Variants in PTPN13 observed in about 807,000 individuals in gnomAD.
PTPN13 encodes the protein tyrosine-protein phosphatase non-receptor type 13.
In PTPN13, 191 loss-of-function variants were observed where a neutral mutation model predicts 284.0. The observed-to-expected ratio is 0.67, with a 90% CI of 0.60 to 0.76. The LOEUF is 0.76. PTPN13 is among the 30% of genes least tolerant of loss of function. PTPN13 has a pLI of 0.00. For synonymous variants in PTPN13, 986 were observed against 1,022.3 expected, an observed-to-expected ratio of 0.96 and a Z score of 0.68; for missense variants, 2,797 against 2,939.9, an observed-to-expected ratio of 0.95 and a Z score of 1.12.
intron 3 of PTPN13, among the ~76,000 whole-genome samples, chr4:86,683,010 A>G (rs902852857): frequency 7.2e-5 from 11 of 152,198 alleles, no homozygotes; most frequent in African/African-American, 2.2e-4. Context: ...AATATTACTA[A>G]AAGTGTGGAA....
intron 2 of PTPN13, among the ~76,000 whole-genome samples, chr4:86,654,070 GA>G (rs1725444589): frequency 6.6e-6 from 1 of 152,106 alleles, no homozygotes; most frequent in South Asian, 2.1e-4. Flanking sequence ...GAGAAAGCAG[GA>G]AAGATCTAAA....
chr4:86,618,319 G>C (rs1720816065), intron 1 of PTPN13, among the ~76,000 whole-genome samples: 1 of 152,116 alleles, frequency 6.6e-6, no homozygotes, highest in Admixed American at 6.5e-5. Flanking sequence ...ATGCTGTTTT[G>C]GTTACTGTAG....
chr4:86,724,378 A>G (rs560171922), intron 10 of PTPN13, among the ~76,000 whole-genome samples: 1 of 152,260 alleles, frequency 6.6e-6, no homozygotes, highest in African/African-American at 2.4e-5. Flanking sequence ...CTTTTTCCTA[A>G]ACCACAGTTT....
chr4:86,693,504 C>G, intron 5 of PTPN13, 83 bp from the exon 6 acceptor site: 1 of 773,636 alleles, frequency 1.3e-6, no homozygotes, highest in South Asian at 2.5e-5. Context: ...AACTGTGTAA[C>G]TAGTGTCATT....
chr4:86,797,555 G>C (rs1478305500), intron 41 of PTPN13, among the ~76,000 whole-genome samples: 1 of 151,986 alleles, frequency 6.6e-6, no homozygotes, highest in Admixed American at 6.6e-5. Context: ...AGTGACATGT[G>C]AAAATGTGTT....
intron 2 of PTPN13, among the ~76,000 whole-genome samples, chr4:86,666,517 G>A (rs960607036): frequency 2.0e-5 from 3 of 152,092 alleles, no homozygotes; most frequent in Non-Finnish European, 4.4e-5. Context: ...AATTATAATG[G>A]CATTGTACCT....
chr4:86,690,243 A>C (rs1729884250), intron 5 of PTPN13: 1 of 152,298 alleles, frequency 6.6e-6, no homozygotes, highest in Non-Finnish European at 1.5e-5. Flanking sequence ...TGATCTGTTT[A>C]TATTTCTGCG....
At chr4:86,699,202 A>G (rs975157957) in intron 6 of PTPN13, among the ~76,000 whole-genome samples, 2 of 152,080 alleles carry the variant, frequency 1.3e-5, no homozygotes, top group African/African-American at 2.4e-5. Context: ...CCTGGCTAAC[A>G]TGGTGAAACC....
rs1170843064 is a variant in PTPN13 at position 86,750,869 on chromosome 4, G to A, written c.3050G>A (p.Gly1017Glu). ...AGATCTGATGCAGAATCTTTGGCAG[G>A]AGTGACAAAACTTAATAAGTAAGAA... is the stretch of plus-strand genomic sequence containing the variant. ...MSRSDAESLA[G>E]VTKLNNSKSV... Residue 1017 changes from glycine (G) to glutamate (E), a missense_variant, in exon 18 of 48, where the codon GGA becomes GAA. Coordinates refer to ENST00000411767, the MANE Select transcript of PTPN13 (RefSeq NM_080683.3). The A allele has an allele frequency of 2.5e-6, 4 of 1,613,276 alleles. No homozygotes were observed. Among genetic ancestry groups the A allele is most frequent in the Non-Finnish European group, 3.4e-6 (4 of 1,179,692 alleles).
At chr4:86,800,735 G>A (rs1212761410) in intron 42 of PTPN13, among the ~76,000 whole-genome samples, 1 of 151,894 alleles carries the variant, frequency 6.6e-6, no homozygotes, top group Non-Finnish European at 1.5e-5. Flanking sequence ...AGGAAGGAAG[G>A]GAGGGAGGAA....
chr4:86,687,761 G>A (rs1729600890), intron 4 of PTPN13, among the ~76,000 whole-genome samples: 1 of 152,042 alleles, frequency 6.6e-6, no homozygotes, highest in Non-Finnish European at 1.5e-5. Flanking sequence ...CTTGTAAAAT[G>A]TGATCACAGT....
chr4:86,772,660 A>T, intron 31 of PTPN13, 118 bp from the exon 32 acceptor site: 2 of 788,152 alleles, frequency 2.5e-6, no homozygotes, highest in Non-Finnish European at 4.0e-6. Flanking sequence ...AAAAGTAACT[A>T]GGATCTCAAT....
At chr4:86,800,844 C>T (rs1171667183) in intron 42 of PTPN13, among the ~76,000 whole-genome samples, 3 of 152,156 alleles carry the variant, frequency 2.0e-5, no homozygotes, top group African/African-American at 7.2e-5. Context: ...TCCACCCAGC[C>T]TTTAAGTTCC....
intron 10 of PTPN13, among the ~76,000 whole-genome samples, chr4:86,727,282 G>C (rs945291990): frequency 6.7e-6 from 1 of 149,436 alleles, no homozygotes; most frequent in African/African-American, 2.4e-5. Context: ...CTCTGTTTTT[G>C]TTGTGTCTCT....
intron 5 of PTPN13, chr4:86,689,687 C>T (rs559959322): frequency 1.4e-6 from 1 of 702,356 alleles, no homozygotes; most frequent in African/African-American, 1.7e-5. Flanking sequence ...TCCAGGGAAT[C>T]CATGCTTGTA....
chr4:86,734,815 G>A lies in PTPN13; in HGVS notation c.2091G>A (p.Glu697=). 1.2e-6 allele frequency: 2 copies of A among 1,613,468 alleles called. No individual in the cohort carries two copies. The highest frequency in any genetic ancestry group is 1.7e-6 in the Non-Finnish European group (2 of 1,179,536). ...ILEERMHCDD[E]TSLLLASLAL... ...AGGAAAGGATGCACTGTGATGATGA[G>A]ACTTCCTTATTGCTGGCATCCTTGG... Residue 697 remains glutamate, a synonymous_variant, in exon 14 of 48, where the codon GAG becomes GAA. Coordinates refer to ENST00000411767, the MANE Select transcript of PTPN13 (RefSeq NM_080683.3).
Position 86,750,732 on chromosome 4 carries a change from TG to T in PTPN13, c.2914del (p.Asp972IlefsTer47). The T allele has an allele frequency of 6.2e-7, 1 of 1,613,774 alleles. No individual in the cohort carries two copies. Among genetic ancestry groups the T allele is most frequent in the Non-Finnish European group, 8.5e-7 (1 of 1,179,778 alleles). ...CTAGAGAGATGAGTAAATCATACCA[TG>T]ATCTCAGTCAGGCCTCTCTCTATCC... ...KPREMSKSYH[D>X]LSQASLYPHR... On this transcript the variant is annotated frameshift_variant, in exon 18 of 48. Coordinates refer to ENST00000411767, the MANE Select transcript of PTPN13 (RefSeq NM_080683.3). LOFTEE classifies it high-confidence loss of function.
chr4:86,615,995 C>T (rs1303283581), intron 1 of PTPN13, among the ~76,000 whole-genome samples: 1 of 152,132 alleles, frequency 6.6e-6, no homozygotes, highest in African/African-American at 2.4e-5. Context: ...CCTACATTGT[C>T]TGATGCAGTG....
intron 41 of PTPN13, 39 bp downstream of exon 41, chr4:86,796,968 T>G: frequency 8.3e-7 from 1 of 1,210,130 alleles, no homozygotes; most frequent in African/African-American, 1.5e-5. Context: ...AATGCTTCTG[T>G]CTATCTATAA....
Sources: gnomAD v4.1 joint callset for allele counts (sites outside exome capture counted in the v4.1 genomes callset) on GRCh38, gnomAD v4.1.1 for gene constraint, MANE v1.5 for transcripts, NCBI Gene and HGNC (gene_info 2026-07-23, HGNC 2026-07-21) for gene names.